Variants in GABBR2 observed in about 807,000 individuals in gnomAD.
The protein encoded by GABBR2 is gamma-aminobutyric acid type B receptor subunit 2.
Under a neutral mutation model 105.6 loss-of-function variants are expected in GABBR2, and 23 were observed. That is an observed-to-expected ratio of 0.22 (90% confidence interval 0.16 to 0.31). The LOEUF (loss-of-function observed/expected upper bound fraction) is 0.31, where lower values mean the gene tolerates loss of function less well. Among genes scored for constraint, GABBR2 ranks in the 10% least tolerant of loss-of-function variants. The pLI is 1.00. For synonymous variants in GABBR2, 478 were observed against 499.7 expected, an observed-to-expected ratio of 0.96 and a Z score of 0.58; for missense variants, 734 against 1,245.5, an observed-to-expected ratio of 0.59 and a Z score of 6.18.
chr9:98,296,696 T>C (rs1478193987), intron 17 of GABBR2, among the ~76,000 whole-genome samples: 1 of 152,244 alleles, frequency 6.6e-6, no homozygotes. Flanking sequence ...GAACTCTCTT[T>C]TGCTCATTTT....
At position 98,534,908 on chromosome 9, in the gene GABBR2, C is replaced by CA. The variant is rs954238060; in HGVS notation, c.630+6964dup. On this transcript the variant is annotated intron_variant, in intron 3 of 18. Coordinates refer to ENST00000259455, the MANE Select transcript of GABBR2 (RefSeq NM_005458.8). The stretch of plus-strand genomic sequence containing the variant: ...CCAAAGAGCTGAAATCTGATGTCCA[C>CA]AAAAAATCCTGCGCATGGATGTTTA... Among the ~76,000 whole-genome samples, 14 of 152,270 alleles carry CA rather than the reference C, an allele frequency of 9.2e-5. No individual in the cohort carries two copies. The South Asian group carries it at 1.2e-3, about 14-fold the overall frequency.
intron 1 of GABBR2, among the ~76,000 whole-genome samples, chr9:98,610,171 T>A (rs1829484944): frequency 6.6e-6 from 1 of 152,246 alleles, no homozygotes; most frequent in Admixed American, 6.5e-5. Flanking sequence ...AACTGCTGCC[T>A]GGACTCAACT....
At chr9:98,629,669 C>T (rs1223048349) in intron 1 of GABBR2, among the ~76,000 whole-genome samples, 1 of 152,188 alleles carries the variant, frequency 6.6e-6, no homozygotes, top group Non-Finnish European at 1.5e-5. Flanking sequence ...AATACTGGTG[C>T]CTTGGTCCAA....
chr9:98,662,215 T>A (rs1346004675), intron 1 of GABBR2, among the ~76,000 whole-genome samples: 1 of 152,168 alleles, frequency 6.6e-6, no homozygotes, highest in Non-Finnish European at 1.5e-5. Context: ...AGAACCCCAC[T>A]GTTGGTGGTC....
intron 9 of GABBR2, among the ~76,000 whole-genome samples, chr9:98,389,210 A>G (rs1396277010): frequency 1.3e-5 from 2 of 152,246 alleles, no homozygotes; most frequent in East Asian, 3.8e-4. Flanking sequence ...TTCTCTAAAT[A>G]GAATCAATAA....
chr9:98,661,491 C>G lies in GABBR2; in HGVS notation c.321+46926G>C, dbSNP rs149341958. Among the ~76,000 whole-genome samples the G allele has an allele frequency of 9.8e-3, 1,492 of 152,226 alleles. 14 individuals carry two copies. The highest frequency in any genetic ancestry group is 0.015 in the Non-Finnish European group (1,041 of 68,008). ...TCTTGGCTCACTGCAAACTCCACTT[C>G]CCAGTTTCAAGTGATTCTCCTGCCT... On this transcript the variant is annotated intron_variant, in intron 1 of 18. Transcript: ENST00000259455.
chr9:98,424,969 T>A (rs1398316116), intron 7 of GABBR2, among the ~76,000 whole-genome samples: 2 of 151,836 alleles, frequency 1.3e-5, no homozygotes, highest in East Asian at 3.9e-4. Flanking sequence ...CTTCACAGAA[T>A]TGGAAAAAAC....
chr9:98,595,713 A>G (rs896704582), intron 1 of GABBR2, among the ~76,000 whole-genome samples: 1 of 151,946 alleles, frequency 6.6e-6, no homozygotes, highest in Admixed American at 6.6e-5. Context: ...CTAAATAATG[A>G]TATACAAAAG....
At chr9:98,636,017 A>G (rs1225442872) in intron 1 of GABBR2, among the ~76,000 whole-genome samples, 2 of 152,084 alleles carry the variant, frequency 1.3e-5, no homozygotes, top group Admixed American at 1.3e-4. Flanking sequence ...CTGCATCACC[A>G]TGGGGCCACG....
chr9:98,642,816 A>G (rs4742734), intron 1 of GABBR2, among the ~76,000 whole-genome samples: 98,270 of 152,042 alleles, frequency 0.65, 32,696 homozygotes, highest in Middle Eastern at 0.81. Flanking sequence ...GATCTGTCAG[A>G]AAGATTTGAA....
chr9:98,666,274 T>C (rs1038433775), intron 1 of GABBR2, among the ~76,000 whole-genome samples: 3 of 152,154 alleles, frequency 2.0e-5, no homozygotes, highest in African/African-American at 4.8e-5. Flanking sequence ...GAACGATCAT[T>C]ACATGGTGCT....
chr9:98,695,366 G>A (rs1830735463), intron 1 of GABBR2, among the ~76,000 whole-genome samples: 1 of 152,190 alleles, frequency 6.6e-6, no homozygotes, highest in South Asian at 2.1e-4. Context: ...TTATAAAGCA[G>A]AGTTATAAAG....
chr9:98,484,006 G>A (rs966049953), intron 4 of GABBR2, among the ~76,000 whole-genome samples: 9 of 152,274 alleles, frequency 5.9e-5, no homozygotes, highest in African/African-American at 1.7e-4. Flanking sequence ...GCAGCATCAC[G>A]CACAATGCCT....
chr9:98,497,682 A>G (rs2131672812), intron 3 of GABBR2, among the ~76,000 whole-genome samples: 1 of 152,320 alleles, frequency 6.6e-6, no homozygotes, highest in South Asian at 2.1e-4. Context: ...TGCTTAAAGC[A>G]CTTCTTGTTC....
intron 7 of GABBR2, among the ~76,000 whole-genome samples, chr9:98,410,314 C>G (rs1832563710): frequency 6.6e-6 from 1 of 152,142 alleles, no homozygotes; most frequent in African/African-American, 2.4e-5. Flanking sequence ...TTTGGTAACT[C>G]TGGCCGGGGT....
intron 1 of GABBR2, among the ~76,000 whole-genome samples, chr9:98,705,198 G>A (rs983810881): frequency 1.3e-5 from 2 of 152,142 alleles, no homozygotes; most frequent in South Asian, 2.1e-4. Flanking sequence ...ATATATAAAC[G>A]AGTATTTGCT....
At chr9:98,323,076 A>C (rs1830853763) in intron 13 of GABBR2, among the ~76,000 whole-genome samples, 1 of 152,052 alleles carries the variant, frequency 6.6e-6, no homozygotes, top group Non-Finnish European at 1.5e-5. Flanking sequence ...GAGGCTCCGT[A>C]AGGCTGAGTG....
intron 1 of GABBR2, among the ~76,000 whole-genome samples, chr9:98,596,978 C>A (rs183715598): frequency 3.9e-5 from 6 of 152,262 alleles, no homozygotes; most frequent in African/African-American, 1.2e-4. Context: ...TGCATGAAAC[C>A]CCAGGGCTGA....
At chr9:98,489,778 C>T (rs897971693) in intron 4 of GABBR2, among the ~76,000 whole-genome samples, 4 of 152,110 alleles carry the variant, frequency 2.6e-5, no homozygotes, top group Admixed American at 2.6e-4. Context: ...CGGAGTCCAA[C>T]CCCGGGTCTA....
Sources: allele counts gnomAD v4.1 joint callset (sites outside exome capture counted in the v4.1 genomes callset), GRCh38; gene constraint gnomAD v4.1.1; transcripts MANE v1.5; gene names NCBI Gene and HGNC (gene_info 2026-07-23, HGNC 2026-07-21).